Variants in PHPT1 observed in about 807,000 individuals in gnomAD.
PHPT1 encodes phosphohistidine phosphatase 1, also known as 14 kDa phosphohistidine phosphatase.
PHPT1 carries 16 observed loss-of-function variants against 15.6 expected under a neutral mutation model. The observed-to-expected ratio is 1.03, with a 90% CI of 0.70 to 1.56. PHPT1 has a LOEUF of 1.56. PHPT1 is among the 40% of genes most tolerant of loss of function. The pLI is 0.00. For synonymous variants in PHPT1, 102 were observed against 68.1 expected, an observed-to-expected ratio of 1.50 and a Z score of -2.45; for missense variants, 228 against 171.0, an observed-to-expected ratio of 1.33 and a Z score of -1.86.
chr9:136,849,807 C>T (rs1040181849), intron 1 of PHPT1: 2 of 705,914 alleles, frequency 2.8e-6, no homozygotes. Flanking sequence ...CGGCCTGACA[C>T]CCTCCCCAGC....
At chr9:136,850,448 C>A in intron 2 of PHPT1, 3 of 1,489,702 alleles carry the variant, frequency 2.0e-6, no homozygotes, top group South Asian at 1.2e-5. Context: ...CAGAGGCAGT[C>A]AGTACCTGGG....
At position 136,850,031 on chromosome 9, in the gene PHPT1, T is replaced by G; in HGVS notation, c.179T>G (p.Val60Gly). ...AEYHADIYDK[V>G]SGDMQKQGCD... ...ATCCCAGCGGACATCTACGACAAAG[T>G]GTCGGGCGACATGCAGAAGCAAGGC... Residue 60 changes from valine to glycine, a missense_variant, in exon 2 of 3, where the codon GTG becomes GGG. Val to Gly is a moderately radical substitution (Grantham distance 109, BLOSUM62 -3). Coordinates refer to ENST00000247665, the MANE Select transcript of PHPT1 (RefSeq NM_014172.6). The G allele has an allele frequency of 6.2e-7, 1 of 1,612,774 alleles. No homozygotes were observed. Among genetic ancestry groups the G allele is most frequent in the Non-Finnish European group, 8.5e-7 (1 of 1,179,752 alleles).
rs1848881436 is a variant in PHPT1 at position 136,850,393 on chromosome 9, T to G, written c.285+256T>G. 3 of 1,034,586 alleles carry G rather than the reference T, an allele frequency of 2.9e-6. No homozygotes were observed. The African/African-American group carries it at 4.8e-5, about 17-fold the overall frequency. The allele number at this position is 1,034,586 out of a possible 1,614,324, so 64.1% of individuals were successfully genotyped here. ...TCTCCTCTCCCTGCCTTGGGAGGCC[T>G]TGCTGGGCTCTAGCTGTCCTCCAGC... On this transcript the variant is annotated intron_variant, in intron 2 of 2. Coordinates refer to ENST00000247665, the MANE Select transcript of PHPT1 (RefSeq NM_014172.6).
At chr9:136,850,438 C>A in intron 2 of PHPT1, 1 of 1,429,470 alleles carries the variant, frequency 7.0e-7, no homozygotes, top group Non-Finnish European at 9.7e-7. Context: ...CCTGGGCCCC[C>A]AGAGGCAGTC....
chr9:136,850,254 C>T (rs1007079173), intron 2 of PHPT1, 117 bp downstream of exon 2: 7 of 1,409,048 alleles, frequency 5.0e-6, no homozygotes, highest in Non-Finnish European at 5.9e-6. Flanking sequence ...CTGGGGTTCT[C>T]CCAGGGTCGG....
intron 2 of PHPT1, 116 bp from the exon 3 acceptor site, chr9:136,850,639 G>A (rs1848891469): frequency 2.0e-6 from 3 of 1,504,562 alleles, no homozygotes; most frequent in Admixed American, 1.7e-5. Context: ...GCATCCCCAG[G>A]CACTGCCTAT....
rs748528481 is a variant in PHPT1 at position 136,851,021 on chromosome 9, C to T, written c.*174C>T. 3 of 754,306 alleles carry T rather than the reference C, an allele frequency of 4.0e-6. No individual in the cohort carries two copies. The highest frequency in any genetic ancestry group is 1.4e-5 in the South Asian group (1 of 73,692). The allele number at this position is 754,306 out of a possible 1,614,324, so 46.7% of individuals were successfully genotyped here. The stretch of plus-strand genomic sequence containing the variant: ...GGCCACAGAATTAAACGTGTTGCCA[C>T]ACCTGCCGGCTTCTGAACTCTGTCC... On this transcript the variant is annotated 3_prime_UTR_variant, in exon 3 of 3. Coordinates refer to ENST00000247665, the MANE Select transcript of PHPT1 (RefSeq NM_014172.6).
rs199681741 is a variant in PHPT1, at chr9:136,850,735, A to G, written c.286-20A>G. ...GTTGAAGGGTCCAGGTAGTGCCAGCAGGCGTCTTCTCTTCTCCAGGCCTAT... is the reference window on the plus strand; with the variant it reads ...GTTGAAGGGTCCAGGTAGTGCCAGCGGGCGTCTTCTCTTCTCCAGGCCTAT... On this transcript the variant is annotated intron_variant, in intron 2 of 2. Transcript: ENST00000247665. 1.0e-4 allele frequency: 162 copies of G among 1,600,526 alleles called. No homozygotes were observed. The East Asian group carries it at 3.0e-3, about 30-fold the overall frequency.
Position 136,849,413 on chromosome 9 carries a change from G to C in PHPT1, c.-18G>C. 1 of 1,585,852 alleles carries C rather than the reference G, an allele frequency of 6.3e-7. No individual in the cohort carries two copies. The highest frequency in any genetic ancestry group is 8.6e-7 in the Non-Finnish European group (1 of 1,165,310). On this transcript the variant is annotated 5_prime_UTR_variant, in exon 1 of 3. Transcript: ENST00000247665. ...GCCCCCGGGTCGGGTGGGAGGAGGG[G>C]ACTCCGGGAGGAGGAACATGGCGGT...
Position 136,849,427 on chromosome 9 carries a change from G to T in PHPT1, c.-4G>T, listed in dbSNP as rs377699154. On this transcript the variant is annotated 5_prime_UTR_variant, in exon 1 of 3. Coordinates refer to ENST00000247665, the MANE Select transcript of PHPT1 (RefSeq NM_014172.6). ...TGGGAGGAGGGGACTCCGGGAGGAGGAACATGGCGGTGGCGGACCTCGCTC... is the reference window on the plus strand; with the variant it reads ...TGGGAGGAGGGGACTCCGGGAGGAGTAACATGGCGGTGGCGGACCTCGCTC... 3 of 1,591,818 alleles carry T rather than the reference G, an allele frequency of 1.9e-6. No individual in the cohort carries two copies. The highest frequency in any genetic ancestry group is 2.6e-6 in the Non-Finnish European group (3 of 1,169,114).
At chr9:136,850,463 G>C in intron 2 of PHPT1, 1 of 1,573,964 alleles carries the variant, frequency 6.4e-7, no homozygotes. Context: ...CCTGGGTGGA[G>C]CTCAGAGTCC....
Position 136,849,995 on chromosome 9 carries a change from G to C in PHPT1, c.161-18G>C, listed in dbSNP as rs753025940. 1.9e-6 allele frequency: 3 copies of C among 1,603,992 alleles called. No individual in the cohort carries two copies. In the East Asian group the frequency reaches 6.7e-5, roughly 36 times the overall value. On this transcript the variant is annotated intron_variant, in intron 1 of 2. Coordinates refer to ENST00000247665, the MANE Select transcript of PHPT1 (RefSeq NM_014172.6). ...AAGGGCGGCCAGGGCACGTCCTGAG[G>C]CCGCCCTCCCATCCCAGCGGACATC...
chr9:136,849,919 C>A, intron 1 of PHPT1, 94 bp from the exon 2 acceptor site: 3 of 1,317,644 alleles, frequency 2.3e-6, no homozygotes, highest in Admixed American at 3.7e-5. Flanking sequence ...AGGGGCTGTT[C>A]AGAGCTGGGA....
Position 136,849,587 on chromosome 9 carries a change from C to G in PHPT1, c.157C>G (p.His53Asp), listed in dbSNP as rs753087097. The change falls in exon 1 of 3, where the codon CAT (histidine) becomes GAT (aspartate). Residue 53 changes from histidine (H) to aspartate (D), a missense_variant. Physicochemically the swap from His to Asp is moderately conservative, Grantham distance 81. Transcript: ENST00000247665. ...IVRGYKWAEY[H>D]ADIYDKVSGD... ...GCGCGGCTACAAGTGGGCTGAGTAC[C>G]ATGGTGAGGGCGGGACCTGCGGGCA... The G allele has an allele frequency of 1.3e-6, 2 of 1,581,928 alleles. No individual in the cohort carries two copies. Among genetic ancestry groups the G allele is most frequent in the Non-Finnish European group, 1.7e-6 (2 of 1,167,166 alleles).
chr9:136,849,422 A>AG lies in PHPT1; in HGVS notation c.-7dup. On this transcript the variant is annotated 5_prime_UTR_variant, in exon 1 of 3. Coordinates refer to ENST00000247665, the MANE Select transcript of PHPT1 (RefSeq NM_014172.6). ...TCGGGTGGGAGGAGGGGACTCCGGG[A>AG]GGAGGAACATGGCGGTGGCGGACCT... The AG allele has an allele frequency of 6.3e-7, 1 of 1,588,612 alleles. No homozygotes were observed. The highest frequency in any genetic ancestry group is 8.6e-7 in the Non-Finnish European group (1 of 1,166,876).
chr9:136,849,521 C>T lies in PHPT1; in HGVS notation c.91C>T (p.Pro31Ser). ...TGTGCTGATCCGAGTCCACTCGGCT[C>T]CCCGCTCCGGGGCTCCGGCTGCAGA... is the stretch of plus-strand genomic sequence containing the variant. ...KYVLIRVHSA[P>S]RSGAPAAESK... Residue 31 changes from proline (P) to serine (S), a missense_variant, in exon 1 of 3, where the codon CCC (proline) becomes TCC (serine). Coordinates refer to ENST00000247665, the MANE Select transcript of PHPT1 (RefSeq NM_014172.6). The T allele has an allele frequency of 3.1e-6, 5 of 1,611,392 alleles. No individual in the cohort carries two copies. Among genetic ancestry groups the T allele is most frequent in the Non-Finnish European group, 4.2e-6 (5 of 1,179,528 alleles).
intron 2 of PHPT1, 107 bp downstream of exon 2, chr9:136,850,244 C>G (rs555514714): frequency 6.8e-7 from 1 of 1,473,036 alleles, no homozygotes; most frequent in Non-Finnish European, 9.4e-7. Flanking sequence ...CGCAGGCTTC[C>G]TGGGGTTCTC....
chr9:136,849,834 C>G (rs1290407439), intron 1 of PHPT1, 179 bp from the exon 2 acceptor site: 14 of 756,122 alleles, frequency 1.9e-5, no homozygotes, highest in Non-Finnish European at 2.3e-5. Context: ...CCAGTTCCCG[C>G]GCCCTCCCCG....
chr9:136,849,891 C>T lies in PHPT1; in HGVS notation c.161-122C>T, dbSNP rs929097542. 1.9e-5 allele frequency: 20 copies of T among 1,053,912 alleles called. No individual in the cohort carries two copies. In the African/African-American group the frequency reaches 2.9e-4, roughly 15 times the overall value. The allele number at this position is 1,053,912 out of a possible 1,614,324, so 65.3% of individuals were successfully genotyped here. ...TCATCCCTGTCCCAGCCTCAAGGGG[C>T]TTCGTCTCTCCTGGGGAAGGGGCTG... On this transcript the variant is annotated intron_variant, in intron 1 of 2. Transcript: ENST00000247665.
Sources: allele counts gnomAD v4.1 joint callset, GRCh38; gene constraint gnomAD v4.1.1; transcripts MANE v1.5; gene names NCBI Gene and HGNC (gene_info 2026-07-23, HGNC 2026-07-21).